Variants in SMYD3 observed in about 807,000 individuals in gnomAD.
The protein encoded by SMYD3 is SET and MYND domain containing 3, also known as histone-lysine N-methyltransferase SMYD3.
A neutral mutation model predicts 57.7 loss-of-function variants in SMYD3; 36 were observed. The ratio of observed to expected loss-of-function variants is 0.62; its 90% CI spans 0.48 to 0.82. The LOEUF is 0.82. Among genes scored for constraint, SMYD3 ranks in the 40% least tolerant of loss-of-function variants. The pLI, the probability that SMYD3 is intolerant of heterozygous loss-of-function variation, is 0.00. For missense variants in SMYD3, 515 were observed against 538.8 expected, an observed-to-expected ratio of 0.96 and a Z score of 0.44; for synonymous variants, 211 against 195.0, an observed-to-expected ratio of 1.08 and a Z score of -0.68.
At chr1:246,143,127 AC>A in intron 5 of SMYD3, among the ~76,000 whole-genome samples, 3 of 4,106 alleles carry the variant, frequency 7.3e-4, no homozygotes, top group Middle Eastern at 0.1. Flanking sequence ...TATATTTAAT[AC>A]ACACACACAC....
intron 2 of SMYD3, among the ~76,000 whole-genome samples, chr1:246,354,596 T>C (rs918839708): frequency 7.2e-6 from 1 of 139,022 alleles, no homozygotes; most frequent in African/African-American, 2.8e-5. Context: ...CCAAAGTAGA[T>C]CGTTAAATGA....
chr1:245,886,764 T>G (rs1423430405), intron 8 of SMYD3, among the ~76,000 whole-genome samples: 2 of 152,084 alleles, frequency 1.3e-5, no homozygotes, highest in Non-Finnish European at 2.9e-5. Flanking sequence ...ATTTCTGACT[T>G]CTTGGTTCTA....
At chr1:246,079,401 T>C (rs2060600429) in intron 5 of SMYD3, among the ~76,000 whole-genome samples, 1 of 152,240 alleles carries the variant, frequency 6.6e-6, no homozygotes, top group Non-Finnish European at 1.5e-5. Context: ...TAATGAAGAT[T>C]GATGTATTTA....
At chr1:245,842,192 A>C (rs2050437043) in intron 10 of SMYD3, among the ~76,000 whole-genome samples, 1 of 152,194 alleles carries the variant, frequency 6.6e-6, no homozygotes, top group South Asian at 2.1e-4. Flanking sequence ...CCCCATTATT[A>C]AACAATGCAT....
Position 246,276,847 on chromosome 1 carries a change from T to G in SMYD3, c.531+50354A>C, listed in dbSNP as rs569628781. 1.3e-5 allele frequency among the ~76,000 whole-genome samples: 2 copies of G among 150,460 alleles called. 1 individual carries two copies. The highest frequency in any genetic ancestry group is 4.9e-5 in the African/African-American group (2 of 40,920). On this transcript the variant is annotated intron_variant, in intron 5 of 11. Transcript: ENST00000490107. ...TGCCCATGTTTGAATACTAACTCCG[T>G]TTTTTCACTAGCCGTATTAACACTG...
intron 1 of SMYD3, among the ~76,000 whole-genome samples, chr1:246,458,615 T>A (rs2067743285): frequency 1.6e-5 from 1 of 64,014 alleles, no homozygotes; most frequent in African/African-American, 1.1e-4. Context: ...CCTGGCTGAT[T>A]TTTTTTTTTT....
intron 8 of SMYD3, among the ~76,000 whole-genome samples, chr1:245,901,513 A>G (rs2054179189): frequency 6.6e-6 from 1 of 152,220 alleles, no homozygotes; most frequent in Non-Finnish European, 1.5e-5. Context: ...CTCCTTTCTC[A>G]GAGTAAAAGT....
At chr1:246,103,848 G>A (rs1313971164) in intron 5 of SMYD3, among the ~76,000 whole-genome samples, 1 of 152,124 alleles carries the variant, frequency 6.6e-6, no homozygotes, top group Non-Finnish European at 1.5e-5. Flanking sequence ...TTCTCAGCAG[G>A]TGCTGTGTGC....
chr1:246,452,462 C>T (rs1038437408), intron 1 of SMYD3, among the ~76,000 whole-genome samples: 2 of 152,060 alleles, frequency 1.3e-5, no homozygotes, highest in African/African-American at 4.8e-5. Context: ...ACAGAGTTCG[C>T]ACCTCCAGCC....
chr1:246,471,322 C>T (rs1485559150), intron 1 of SMYD3, among the ~76,000 whole-genome samples: 1 of 152,124 alleles, frequency 6.6e-6, no homozygotes, highest in Non-Finnish European at 1.5e-5. Context: ...CCTAAGCCTC[C>T]TAAGTAGCAG....
At position 245,951,442 on chromosome 1, in the gene SMYD3, G is replaced by A. The variant is rs529244507; in HGVS notation, c.532-21505C>T. Among the ~76,000 whole-genome samples, 10 of 137,802 alleles carry A rather than the reference G, an allele frequency of 7.3e-5. 1 individual carries two copies. In the South Asian group the frequency reaches 7.3e-4, roughly 10 times the overall value. 90.4% of individuals were successfully genotyped at this position (137,802 alleles called of 152,430 possible). A position where few individuals can be genotyped will look rare whatever the true frequency, so the allele number is the denominator to read the frequency against. On this transcript the variant is annotated intron_variant, in intron 5 of 11. Transcript: ENST00000490107. ...AAATTAGCTGGGCGAGGTGGTGCAC[G>A]CCTGTAGTCCCAGCTACTCGGGAGG...
intron 1 of SMYD3, among the ~76,000 whole-genome samples, chr1:246,475,807 G>A (rs999120849): frequency 1.3e-5 from 2 of 152,078 alleles, no homozygotes; most frequent in Non-Finnish European, 2.9e-5. Flanking sequence ...GTAGAGACAG[G>A]GTTTCACCAT....
chr1:245,817,476 A>G (rs1015955393), intron 10 of SMYD3, among the ~76,000 whole-genome samples: 1 of 151,800 alleles, frequency 6.6e-6, no homozygotes, highest in Non-Finnish European at 1.5e-5. Flanking sequence ...TGGAAACTCT[A>G]AAAAGCAGAG....
chr1:246,316,721 C>T (rs1282193207), intron 5 of SMYD3, among the ~76,000 whole-genome samples: 1 of 148,302 alleles, frequency 6.7e-6, no homozygotes, highest in East Asian at 2.1e-4. Context: ...AAAGGCCAGG[C>T]ACGGTGGCTC....
chr1:246,295,068 T>C (rs547374553), intron 5 of SMYD3, among the ~76,000 whole-genome samples: 1 of 152,282 alleles, frequency 6.6e-6, no homozygotes, highest in Non-Finnish European at 1.5e-5. Flanking sequence ...ATATTTTATG[T>C]ACTCCTTTGT....
intron 8 of SMYD3, among the ~76,000 whole-genome samples, chr1:245,900,752 A>C (rs552317792): frequency 6.6e-6 from 1 of 152,184 alleles, no homozygotes; most frequent in Non-Finnish European, 1.5e-5. Flanking sequence ...TCATTCATTC[A>C]CTCAAGAATT....
At chr1:246,027,963 A>G (rs952056757) in intron 5 of SMYD3, among the ~76,000 whole-genome samples, 4 of 152,226 alleles carry the variant, frequency 2.6e-5, no homozygotes, top group African/African-American at 9.6e-5. Flanking sequence ...AACATTAACA[A>G]GAGTTTGGAA....
rs142584814 is a variant in SMYD3, at chr1:245,795,605, C to T, written c.1077-31456G>A. Among the ~76,000 whole-genome samples, 244 of 152,268 alleles carry T rather than the reference C, an allele frequency of 1.6e-3. 1 individual carries two copies. Among genetic ancestry groups the T allele is most frequent in the Non-Finnish European group, 2.7e-3 (187 of 68,032 alleles). ...ATTGTTATATTTTGTCTCTTGTGGC[C>T]TAAAGCATGATCTAACCATGCCAGC... is the stretch of plus-strand genomic sequence containing the variant. On this transcript the variant is annotated intron_variant, in intron 10 of 11. Coordinates refer to ENST00000490107, the MANE Select transcript of SMYD3 (RefSeq NM_001167740.2).
At chr1:246,365,606 T>C (rs1487763227) in intron 1 of SMYD3, among the ~76,000 whole-genome samples, 1 of 151,408 alleles carries the variant, frequency 6.6e-6, no homozygotes, top group Non-Finnish European at 1.5e-5. Flanking sequence ...AATTTTTTAA[T>C]CTCCTCGACT....
Sources: gnomAD v4.1 joint callset for allele counts (sites outside exome capture counted in the v4.1 genomes callset) on GRCh38, gnomAD v4.1.1 for gene constraint, MANE v1.5 for transcripts, NCBI Gene and HGNC (gene_info 2026-07-23, HGNC 2026-07-21) for gene names.